Variants in AFF2 observed in about 807,000 individuals in gnomAD.
AFF2 encodes ALF transcription elongation factor 2.
In AFF2, 14 loss-of-function variants were observed where a neutral mutation model predicts 76.9. The observed-to-expected ratio is 0.18, with a 90% CI of 0.12 to 0.28. The LOEUF (loss-of-function observed/expected upper bound fraction) is 0.28. Ranked by LOEUF, AFF2 falls within the 10% of genes least tolerant of loss-of-function variation. AFF2 has a pLI of 1.00. For synonymous variants in AFF2, 398 were observed against 366.7 expected (o/e 1.09, Z -0.98); for missense variants, 868 against 1,001.1 (o/e 0.87, Z 1.79).
In AFF2 at chrX:148,588,448, C is replaced by T. The variant is rs114965335; in HGVS notation, c.48-63551C>T. ...GGAAACTGTTTATGGAGGGCAGAGA[C>T]GGGACTGATTCATGAATCCTGGATT... On this transcript the variant is annotated intron_variant, in intron 1 of 20. Transcript: ENST00000370460. 5.1e-3 allele frequency among the ~76,000 whole-genome samples: 578 copies of T among 112,325 alleles called. 5 individuals carry two copies. Among genetic ancestry groups the T allele is most frequent in the African/African-American group, 0.018 (549 of 30,943 alleles).
At chrX:148,663,609 C>T (rs1386276265) in intron 3 of AFF2, among the ~76,000 whole-genome samples, 2 of 112,310 alleles carry the variant, frequency 1.8e-5, no homozygotes, top group Non-Finnish European at 3.8e-5. Context: ...ACCATGTAAG[C>T]GGCTGTCTAC....
Position 148,707,611 on chromosome X carries a change from G to A in AFF2, c.1041+44843G>A, listed in dbSNP as rs1281046482. On this transcript the variant is annotated intron_variant, in intron 3 of 20. Coordinates refer to ENST00000370460, the MANE Select transcript of AFF2 (RefSeq NM_002025.4). ...GTATACATCATTTCATTTAATTTTT[G>A]TGATTCTTTGAAGCAGGTGTTATCA... 3.7e-5 allele frequency among the ~76,000 whole-genome samples: 4 copies of A among 109,260 alleles called. No homozygotes were observed. In the Admixed American group the frequency reaches 4.0e-4, roughly 11 times the overall value. The allele number at this position is 109,260 out of a possible 115,157, so 94.9% of individuals were successfully genotyped here.
intron 7 of AFF2, among the ~76,000 whole-genome samples, chrX:148,865,330 T>G (rs2070893780): frequency 8.9e-6 from 1 of 112,408 alleles, no homozygotes; most frequent in African/African-American, 3.2e-5. Context: ...GTAGAAAGAA[T>G]AGCCTAGGTA....
intron 17 of AFF2, 49 bp downstream of exon 17, chrX:148,978,053 A>T (rs375395901): frequency 7.4e-6 from 7 of 950,904 alleles, no homozygotes; most frequent in African/African-American, 1.9e-5. Flanking sequence ...TCATGGAAGG[A>T]TTTGAAAACT....
At chrX:148,724,324 C>T (rs781794571) in intron 3 of AFF2, among the ~76,000 whole-genome samples, 43 of 111,117 alleles carry the variant, frequency 3.9e-4, no homozygotes, top group African/African-American at 1.3e-3. Context: ...TGGAGTCTAA[C>T]ACCCAATGGC....
chrX:148,650,923 T>C (rs1221933379), intron 1 of AFF2, among the ~76,000 whole-genome samples: 1 of 112,215 alleles, frequency 8.9e-6, no homozygotes, highest in East Asian at 2.8e-4. Flanking sequence ...CATGGGACTA[T>C]TAACATGGGG....
intron 7 of AFF2, among the ~76,000 whole-genome samples, chrX:148,855,870 C>T (rs1569556262): frequency 8.9e-6 from 1 of 112,208 alleles, no homozygotes; most frequent in Non-Finnish European, 1.9e-5. Context: ...AAGTGCTTAT[C>T]ACAGTGCCTG....
chrX:148,825,461 G>GGTC (rs2070376829), intron 4 of AFF2, among the ~76,000 whole-genome samples: 1 of 111,250 alleles, frequency 9.0e-6, no homozygotes, highest in Admixed American at 9.6e-5. Context: ...ATTTTCAAAG[G>GGTC]GTCACTTTGA....
At chrX:148,772,338 T>C (rs1309716730) in intron 3 of AFF2, among the ~76,000 whole-genome samples, 2 of 111,782 alleles carry the variant, frequency 1.8e-5, no homozygotes, top group African/African-American at 6.5e-5. Flanking sequence ...TGCATCACAG[T>C]GTGTAGCCAT....
At chrX:148,703,716 A>G (rs1557262063) in intron 3 of AFF2, among the ~76,000 whole-genome samples, 2 of 111,361 alleles carry the variant, frequency 1.8e-5, no homozygotes, top group Non-Finnish European at 3.8e-5. Context: ...CTTGCTACCT[A>G]TGCTAATCCT....
intron 1 of AFF2, among the ~76,000 whole-genome samples, chrX:148,567,233 A>G (rs1328026224): frequency 8.9e-6 from 1 of 111,943 alleles, no homozygotes. Flanking sequence ...CCCTAGTTCA[A>G]TACCTCTTTC....
chrX:148,605,120 A>G (rs2053661027), intron 1 of AFF2, among the ~76,000 whole-genome samples: 1 of 111,687 alleles, frequency 9.0e-6, no homozygotes, highest in Admixed American at 9.5e-5. Flanking sequence ...ACAGATCAAT[A>G]TCCATGAAAG....
chrX:148,830,859 G>A (rs782714797), intron 4 of AFF2, among the ~76,000 whole-genome samples: 3 of 111,128 alleles, frequency 2.7e-5, no homozygotes, highest in Middle Eastern at 4.6e-3. Context: ...TTTATTAAGC[G>A]GGAATTTCCT....
chrX:148,638,751 GA>G (rs2054057959), intron 1 of AFF2, among the ~76,000 whole-genome samples: 1 of 110,881 alleles, frequency 9.0e-6, no homozygotes, highest in Non-Finnish European at 1.9e-5. Context: ...CAGATCTCAT[GA>G]GAACTCATTC....
At chrX:148,530,826 T>C (rs782203548) in intron 1 of AFF2, among the ~76,000 whole-genome samples, 9 of 111,824 alleles carry the variant, frequency 8.0e-5, no homozygotes, top group Non-Finnish European at 1.3e-4. Context: ...CCCTGACTAT[T>C]CTTGAGAGAG....
intron 1 of AFF2, among the ~76,000 whole-genome samples, chrX:148,616,144 G>T (rs2053798255): frequency 9.0e-6 from 1 of 111,244 alleles, no homozygotes; most frequent in Admixed American, 9.5e-5. Context: ...TGAGCGAGGG[G>T]GTGGGATCAT....
intron 1 of AFF2, among the ~76,000 whole-genome samples, chrX:148,562,006 T>A (rs2053118690): frequency 1.8e-5 from 2 of 112,155 alleles, no homozygotes; most frequent in South Asian, 7.4e-4. Context: ...ATTCACGGTC[T>A]GTGAAATCTA....
At chrX:148,621,094 T>C (rs2053863716) in intron 1 of AFF2, among the ~76,000 whole-genome samples, 1 of 111,570 alleles carries the variant, frequency 9.0e-6, no homozygotes, top group Admixed American at 9.5e-5. Flanking sequence ...CTAGCTGCCA[T>C]AGCAGAAGTG....
chrX:148,820,051 A>G (rs1324609405), intron 4 of AFF2, among the ~76,000 whole-genome samples: 1 of 111,728 alleles, frequency 9.0e-6, no homozygotes, highest in African/African-American at 3.2e-5. Flanking sequence ...TGAAAATAGC[A>G]TAATGTGAAT....
Sources: gnomAD v4.1 joint callset for allele counts (sites outside exome capture counted in the v4.1 genomes callset) on GRCh38, gnomAD v4.1.1 for gene constraint, MANE v1.5 for transcripts, NCBI Gene and HGNC (gene_info 2026-07-23, HGNC 2026-07-21) for gene names.